Variants in WEE2 observed in about 807,000 individuals in gnomAD.
The protein encoded by WEE2 is wee1-like protein kinase 2.
Under a neutral mutation model 60.1 loss-of-function variants are expected in WEE2, and 50 were observed. The observed-to-expected ratio is 0.83, with a 90% CI of 0.66 to 1.05. The LOEUF (loss-of-function observed/expected upper bound fraction) is 1.05. Ranked by LOEUF, WEE2 falls within the 50% of genes least tolerant of loss-of-function variation. WEE2 has a pLI of 0.00. For missense variants in WEE2, 631 were observed against 684.3 expected, an observed-to-expected ratio of 0.92 and a Z score of 0.87; for synonymous variants, 240 against 241.0, an observed-to-expected ratio of 1.00 and a Z score of 0.04.
intron 1 of WEE2, among the ~76,000 whole-genome samples, chr7:141,710,125 A>G (rs1467251067): frequency 6.6e-6 from 1 of 152,226 alleles, no homozygotes; most frequent in Non-Finnish European, 1.5e-5. Flanking sequence ...TCACAGCACC[A>G]GCCAATTAAT....
chr7:141,720,083 G>T (rs964754142), intron 4 of WEE2, among the ~76,000 whole-genome samples: 19 of 148,990 alleles, frequency 1.3e-4, no homozygotes, highest in Admixed American at 6.0e-4. Context: ...GAACTGTGAG[G>T]ATATACTTAA....
intron 11 of WEE2, 37 bp from the exon 12 acceptor site, chr7:141,730,258 C>G: frequency 6.2e-7 from 1 of 1,606,936 alleles, no homozygotes; most frequent in Non-Finnish European, 8.5e-7. Flanking sequence ...TGCCACTGAT[C>G]AATAACTTAT....
chr7:141,720,842 C>G, intron 4 of WEE2, 93 bp from the exon 5 acceptor site: 1 of 1,351,816 alleles, frequency 7.4e-7, no homozygotes, highest in Non-Finnish European at 1.0e-6. Flanking sequence ...AATATTCTGC[C>G]ATTGCTAGTA....
chr7:141,729,865 A>G (rs1480818161), intron 11 of WEE2, among the ~76,000 whole-genome samples, 192 bp downstream of exon 11: 2 of 151,884 alleles, frequency 1.3e-5, no homozygotes, highest in Non-Finnish European at 2.9e-5. Flanking sequence ...GCAGGCGCCT[A>G]TAATCCCAGC....
chr7:141,730,301 A>C lies in WEE2; in HGVS notation c.1685A>C (p.Glu562Ala), dbSNP rs1467424953. 2 of 1,613,450 alleles carry C rather than the reference A, an allele frequency of 1.2e-6. No homozygotes were observed. The highest frequency in any genetic ancestry group is 2.2e-5 in the South Asian group (2 of 90,872). Residue 562 changes from glutamate (E) to alanine (A), a missense_variant, in exon 12 of 12, where the codon GAG becomes GCG. Transcript: ENST00000397541. Reference sequence around the variant, plus strand: ...TCACACTTTTGATGAACAGCAGGAGAGCGTGAGCCTCTGCATTAAAGGAAG... The same window carrying C: ...TCACACTTTTGATGAACAGCAGGAGCGCGTGAGCCTCTGCATTAAAGGAAG... ...SARSSSFTSG[E>A]REPLH
chr7:141,719,402 G>A (rs751913979), intron 4 of WEE2, among the ~76,000 whole-genome samples, 158 bp downstream of exon 4: 5 of 152,136 alleles, frequency 3.3e-5, no homozygotes, highest in Non-Finnish European at 7.4e-5. Flanking sequence ...ACCTTTCTGA[G>A]TTTTCCAGCT....
At chr7:141,712,841 C>G (rs1365955648) in intron 1 of WEE2, among the ~76,000 whole-genome samples, 4 of 152,104 alleles carry the variant, frequency 2.6e-5, no homozygotes, top group Admixed American at 2.6e-4. Context: ...TTACAAAAAA[C>G]GAATTCTCAG....
chr7:141,714,222 G>A lies in WEE2; in HGVS notation c.356G>A (p.Arg119Gln), dbSNP rs202005800. The A allele has an allele frequency of 3.2e-5, 52 of 1,611,422 alleles. No homozygotes were observed. The highest frequency in any genetic ancestry group is 2.4e-4 in the African/African-American group (18 of 74,800). Residue 119 changes from arginine (R) to glutamine (Q), a missense_variant, in exon 2 of 12, where the codon CGG becomes CAG. Transcript: ENST00000397541. ...SPSTPKTMLS[R>Q]LVISPTGKLP... ...ATCCTCATTCAGACCATGCTGAGCCGGTTGGTGATTTCTCCAACAGGGAAG... is the reference window on the plus strand; with the variant it reads ...ATCCTCATTCAGACCATGCTGAGCCAGTTGGTGATTTCTCCAACAGGGAAG...
At chr7:141,727,609 T>C (rs1334936960) in intron 10 of WEE2, 163 bp downstream of exon 10, 2 of 858,834 alleles carry the variant, frequency 2.3e-6, no homozygotes, top group Non-Finnish European at 3.4e-6. Context: ...CGGCTCTTTG[T>C]AGCATCGGGC....
At chr7:141,727,607 T>C in intron 10 of WEE2, 161 bp downstream of exon 10, 1 of 878,174 alleles carries the variant, frequency 1.1e-6, no homozygotes, top group East Asian at 2.7e-5. Flanking sequence ...TGCGGCTCTT[T>C]GTAGCATCGG....
At chr7:141,721,481 G>A (rs1798909847) in intron 5 of WEE2, among the ~76,000 whole-genome samples, 1 of 151,986 alleles carries the variant, frequency 6.6e-6, no homozygotes, top group African/African-American at 2.4e-5. Context: ...TCTTTGAGAT[G>A]GAGTTTTTCT....
At position 141,714,378 on chromosome 7, in the gene WEE2, G is replaced by C. The variant is rs753078021; in HGVS notation, c.512G>C (p.Gly171Ala). Residue 171 changes from glycine to alanine, a missense_variant, in exon 2 of 12, where the codon GGT becomes GCT. Transcript: ENST00000397541. Reference sequence around the variant, plus strand: ...TATAAAAAATTATTTCTTCAATCTGGTGGCAAGAGGAAAATAAGAGGAGAT... The same window carrying C: ...TATAAAAAATTATTTCTTCAATCTGCTGGCAAGAGGAAAATAAGAGGAGAT... ...ESYKKLFLQS[G>A]GKRKIRGDLE... 1.6e-5 allele frequency: 25 copies of C among 1,611,112 alleles called. No homozygotes were observed. The highest frequency in any genetic ancestry group is 1.7e-4 in the Middle Eastern group (1 of 6,056).
intron 4 of WEE2, 64 bp downstream of exon 4, chr7:141,719,308 T>C (rs1798862781): frequency 7.0e-7 from 1 of 1,425,758 alleles, no homozygotes; most frequent in Non-Finnish European, 9.5e-7. Flanking sequence ...TCTTGTCAAA[T>C]TATTTTAAAT....
Position 141,721,035 on chromosome 7 carries a change from A to G in WEE2, c.859A>G (p.Ile287Val). Residue 287 changes from isoleucine (I) to valine (V), a missense_variant, in exon 5 of 12, where the codon ATT becomes GTT. Ile to Val is a conservative substitution (Grantham distance 29). Coordinates refer to ENST00000397541, the MANE Select transcript of WEE2 (RefSeq NM_001105558.1). The part of the protein sequence containing the change: ...SSWAEDDHMI[I>V]QNEYCNGGSL... ...ATGGGCAGAAGATGACCACATGATCATTCAGAATGAATACTGCAATGGTAA... is the reference window on the plus strand; with the variant it reads ...ATGGGCAGAAGATGACCACATGATCGTTCAGAATGAATACTGCAATGGTAA... 6.2e-7 allele frequency: 1 copy of G among 1,614,204 alleles called. No individual in the cohort carries two copies. Among genetic ancestry groups the G allele is most frequent in the Non-Finnish European group, 8.5e-7 (1 of 1,180,036 alleles).
At chr7:141,713,995 T>C (rs1798750436) in intron 1 of WEE2, among the ~76,000 whole-genome samples, 1 of 152,202 alleles carries the variant, frequency 6.6e-6, no homozygotes, top group Middle Eastern at 3.2e-3. Flanking sequence ...GATTCCTGTG[T>C]TGACTTCATG....
At position 141,731,231 on chromosome 7, in the gene WEE2, A is replaced by G. The variant is rs1444596946; in HGVS notation, c.*911A>G. ...TTCTTTTCCTCATTTTTAAAAGCTA[A>G]TTAAGTTTTTTTAATTGAATAAACC... On this transcript the variant is annotated 3_prime_UTR_variant, in exon 12 of 12. Transcript: ENST00000397541. 6.6e-6 allele frequency: 1 copy of G among 152,176 alleles called. No individual in the cohort carries two copies. Among genetic ancestry groups the G allele is most frequent in the Admixed American group, 6.5e-5 (1 of 15,284 alleles). 9.4% of individuals were successfully genotyped at this position (152,176 alleles called of 1,614,324 possible). A position where few individuals can be genotyped will look rare whatever the true frequency, so the allele number is the denominator to read the frequency against.
rs1273266664 is a variant in WEE2 at position 141,708,787 on chromosome 7, TA to T, written c.31del (p.Arg11GlyfsTer4). 3.1e-6 allele frequency: 5 copies of T among 1,613,908 alleles called. No individual in the cohort carries two copies. The highest frequency in any genetic ancestry group is 4.2e-6 in the Non-Finnish European group (5 of 1,179,974). MDDKDIDKE[L>X]RQKLNFSYCE... ...GATGACAAAGATATTGACAAAGAAC[TA>T]AGGCAGAAATTAAACTTTTCCTATT... On this transcript the variant is annotated frameshift_variant, in exon 1 of 12. Transcript: ENST00000397541. LOFTEE classifies it high-confidence loss of function.
At chr7:141,723,414 C>A in intron 6 of WEE2, 134 bp downstream of exon 6, 2 of 1,010,328 alleles carry the variant, frequency 2.0e-6, no homozygotes, top group Non-Finnish European at 2.9e-6. Flanking sequence ...CATTTGTGTT[C>A]CTTAAAAAAA....
At position 141,727,399 on chromosome 7, in the gene WEE2, C is replaced by T; in HGVS notation, c.1488C>T (p.Leu496=). ...LRPSLGKTEE[L]QQQLNLEKFK... is the part of the protein sequence containing the mutation. The stretch of plus-strand genomic sequence containing the variant: ...CTTCCCTGGGAAAAACAGAAGAGCT[C>T]CAACAGCAGCTGAATTTGGAAAAGT... Residue 496 remains leucine, a synonymous_variant, in exon 10 of 12, where the codon CTC becomes CTT. Transcript: ENST00000397541. The T allele has an allele frequency of 6.2e-7, 1 of 1,614,128 alleles. No individual in the cohort carries two copies. The highest frequency in any genetic ancestry group is 8.5e-7 in the Non-Finnish European group (1 of 1,180,022).
Sources: gnomAD v4.1 joint callset for allele counts (sites outside exome capture counted in the v4.1 genomes callset) on GRCh38, gnomAD v4.1.1 for gene constraint, MANE v1.5 for transcripts, NCBI Gene and HGNC (gene_info 2026-07-23, HGNC 2026-07-21) for gene names.